KIAA1217: variants seen among roughly 807,000 people sequenced by gnomAD.
KIAA1217 encodes the protein sickle tail protein homolog.
In KIAA1217, 88 loss-of-function variants were observed where a neutral mutation model predicts 163.9. That is an observed-to-expected ratio of 0.54 (90% CI 0.45 to 0.64). The LOEUF is 0.64. Ranked by LOEUF, KIAA1217 falls within the 30% of genes least tolerant of loss-of-function variation. KIAA1217 has a pLI of 0.00. For synonymous variants in KIAA1217, 903 were observed against 923.1 expected, an observed-to-expected ratio of 0.98 and a Z score of 0.39; for missense variants, 2,372 against 2,475.0, an observed-to-expected ratio of 0.96 and a Z score of 0.88.
At chr10:24,158,492 G>T in intron 2 of KIAA1217, 2 of 526,410 alleles carry the variant, frequency 3.8e-6, no homozygotes, top group Non-Finnish European at 7.8e-6. Context: ...CTGCAGGCTC[G>T]GAAAGCCTTA....
intron 2 of KIAA1217, among the ~76,000 whole-genome samples, chr10:24,200,419 C>G (rs2067201617): frequency 1.3e-5 from 2 of 152,104 alleles, no homozygotes; most frequent in Admixed American, 1.3e-4. Context: ...TCCCATGTAG[C>G]TAAGACTACA....
intron 2 of KIAA1217, among the ~76,000 whole-genome samples, chr10:24,079,265 G>A (rs935235704): frequency 4.6e-5 from 7 of 152,184 alleles, no homozygotes; most frequent in Non-Finnish European, 1.0e-4. Context: ...TCTGTGATGT[G>A]TAACTGAGGT....
rs1345155492 is a variant in KIAA1217 at position 24,219,855 on chromosome 10, G to A, written c.300G>A (p.Lys100=). The A allele has an allele frequency of 1.2e-6, 2 of 1,613,526 alleles. No homozygotes were observed. The highest frequency in any genetic ancestry group is 1.3e-5 in the African/African-American group (1 of 75,032). The change falls in exon 2 of 21, where the codon AAG becomes AAA. Residue 100 remains lysine, a synonymous_variant. Coordinates refer to ENST00000376454, the MANE Select transcript of KIAA1217 (RefSeq NM_019590.5). The stretch of plus-strand genomic sequence containing the variant: ...CGTTCCTAGAACATCTGAAGCAGAA[G>A]TACCCCCACCACGCCTCTGCAATCA... ...REAFLEHLKQ[K]YPHHASAIMG...
intron 2 of KIAA1217, among the ~76,000 whole-genome samples, chr10:24,017,219 A>G (rs933667825): frequency 6.6e-6 from 1 of 151,774 alleles, no homozygotes; most frequent in Non-Finnish European, 1.5e-5. Context: ...CACCTGGCTA[A>G]CTTTAACATT....
At chr10:23,816,752 A>G (rs1837330398) in intron 1 of KIAA1217, among the ~76,000 whole-genome samples, 2 of 152,304 alleles carry the variant, frequency 1.3e-5, no homozygotes, top group East Asian at 1.9e-4. Flanking sequence ...TGGAAGGGCA[A>G]TTGGACAAAT....
At chr10:23,703,711 C>T (rs1836644655) in intron 1 of KIAA1217, among the ~76,000 whole-genome samples, 1 of 152,016 alleles carries the variant, frequency 6.6e-6, no homozygotes. Flanking sequence ...ATGTTTTCCT[C>T]TTATTCTTTC....
chr10:24,381,439 GGA>G (rs1317444434), intron 3 of KIAA1217, among the ~76,000 whole-genome samples: 1 of 152,194 alleles, frequency 6.6e-6, no homozygotes, highest in Admixed American at 6.5e-5. Flanking sequence ...GGTGAGCAGA[GGA>G]TGAGCAAGCA....
intron 6 of KIAA1217, among the ~76,000 whole-genome samples, chr10:24,493,395 T>C (rs1392248152): frequency 6.6e-6 from 1 of 152,234 alleles, no homozygotes; most frequent in Non-Finnish European, 1.5e-5. Context: ...TCTCTCCTTT[T>C]CCTGTTTTGA....
At chr10:24,267,001 G>T (rs1252979469) in intron 2 of KIAA1217, among the ~76,000 whole-genome samples, 1 of 152,180 alleles carries the variant, frequency 6.6e-6, no homozygotes, top group Non-Finnish European at 1.5e-5. Context: ...GAAGGAACCA[G>T]ACACAGTGCC....
chr10:23,928,662 T>C (rs1843129016), intron 1 of KIAA1217, among the ~76,000 whole-genome samples: 2 of 152,160 alleles, frequency 1.3e-5, no homozygotes, highest in South Asian at 4.1e-4. Flanking sequence ...AATTACATAG[T>C]GCTTACTACG....
chr10:23,731,392 G>T, intron 1 of KIAA1217, among the ~76,000 whole-genome samples: 1 of 152,184 alleles, frequency 6.6e-6, no homozygotes, highest in East Asian at 1.9e-4. Context: ...TGAGTCCTCT[G>T]ATGTCAAAAG....
rs1266203518 is a variant in KIAA1217, at chr10:23,713,664, A to T, written c.-321+18430A>T. On this transcript the variant is annotated intron_variant, in intron 1 of 18. Transcript: ENST00000376462. ...TTTGAATGGTGATATTAATATCATT[A>T]TTAGCTATCCTTACATAAGACCACC... 2.6e-5 allele frequency among the ~76,000 whole-genome samples: 4 copies of T among 152,312 alleles called. No individual in the cohort carries two copies. The East Asian group carries it at 5.8e-4, about 22-fold the overall frequency.
intron 1 of KIAA1217, among the ~76,000 whole-genome samples, chr10:23,891,216 AG>A (rs1841403115): frequency 6.6e-6 from 1 of 152,014 alleles, no homozygotes; most frequent in African/African-American, 2.4e-5. Flanking sequence ...TTAAGTGTTC[AG>A]TCTGTTTACA....
At chr10:23,987,392 AGC>A (rs1589191461) in intron 1 of KIAA1217, among the ~76,000 whole-genome samples, 13 of 147,990 alleles carry the variant, frequency 8.8e-5, no homozygotes, top group South Asian at 2.2e-4. Flanking sequence ...AAAAAAAAAA[AGC>A]CACCCTTCTT....
In KIAA1217 at chr10:24,256,046, CAAAAAAAAA is replaced by C. The variant is rs11358712; in HGVS notation, c.354+36152_354+36160del. 2.4e-3 allele frequency among the ~76,000 whole-genome samples: 186 copies of C among 79,112 alleles called. 3 individuals are homozygous for C. The highest frequency in any genetic ancestry group is 0.015 in the Middle Eastern group (2 of 136). 51.9% of individuals were successfully genotyped at this position (79,112 alleles called of 152,430 possible). ...GCCGATTAACTCAAGCTCAGATGACCAAAAAAAAAAAAAAAAAAAAAAAGCTGCTTTTCC... is the reference window on the plus strand; with the variant it reads ...GCCGATTAACTCAAGCTCAGATGACCAAAAAAAAAAAAAAGCTGCTTTTCC... On this transcript the variant is annotated intron_variant, in intron 2 of 20. Coordinates refer to ENST00000376454, the MANE Select transcript of KIAA1217 (RefSeq NM_019590.5).
chr10:24,204,364 G>GA (rs1409100319), upstream of KIAA1217, among the ~76,000 whole-genome samples: 14 of 152,300 alleles, frequency 9.2e-5, no homozygotes, highest in South Asian at 2.9e-3. Context: ...TGATCTATGA[G>GA]TCATATAGAA....
At chr10:24,210,059 A>T (rs11013967) in intron 1 of KIAA1217, among the ~76,000 whole-genome samples, 3,197 of 152,064 alleles carry the variant, frequency 0.021, 107 homozygotes, top group African/African-American at 0.073. Flanking sequence ...ATGTTCATAA[A>T]CCACACAGCC....
chr10:23,707,367 A>G (rs1228142662), intron 1 of KIAA1217, among the ~76,000 whole-genome samples: 1 of 152,180 alleles, frequency 6.6e-6, no homozygotes, highest in African/African-American at 2.4e-5. Flanking sequence ...AAAAAGAACC[A>G]GGCTACCTGC....
intron 2 of KIAA1217, among the ~76,000 whole-genome samples, chr10:24,017,463 T>A (rs2131504622): frequency 6.6e-6 from 1 of 152,190 alleles, no homozygotes; most frequent in Admixed American, 6.5e-5. Context: ...TCCACACAGA[T>A]GCCAACCTTA....
Sources: allele counts gnomAD v4.1 joint callset (sites outside exome capture counted in the v4.1 genomes callset), GRCh38; gene constraint gnomAD v4.1.1; transcripts MANE v1.5; gene names NCBI Gene and HGNC (gene_info 2026-07-23, HGNC 2026-07-21).